Variants in CTBP2 observed in about 807,000 individuals in gnomAD.
The protein encoded by CTBP2 is C-terminal binding protein 2.
In CTBP2, 30 loss-of-function variants were observed where a neutral mutation model predicts 80.3. The observed-to-expected ratio is 0.37, with a 90% CI of 0.28 to 0.51. CTBP2 has a LOEUF of 0.51. Ranked by LOEUF, CTBP2 falls within the 20% of genes least tolerant of loss-of-function variation. CTBP2 has a pLI of 0.93. For missense variants in CTBP2, 1,212 were observed against 1,375.3 expected (o/e 0.88, Z 1.88); for synonymous variants, 594 against 587.4 (o/e 1.01, Z -0.16).
rs780357094 is a variant in CTBP2 at position 125,026,645 on chromosome 10, A to G, written c.1115T>C (p.Phe372Ser). The G allele has an allele frequency of 7.6e-6, 12 of 1,586,606 alleles. No homozygotes were observed. Among genetic ancestry groups the G allele is most frequent in the Non-Finnish European group, 1.0e-5 (12 of 1,167,192 alleles). ...ATGGAGCAGTTCGCTTCGGTGGCTG[A>G]AGCTGCTGGACCGCGCCCGGGGCAG... The change falls in exon 1 of 9, where the codon TTC becomes TCC. Residue 372 changes from phenylalanine (F) to serine (S), a missense_variant. Physicochemically the swap from Phe to Ser is radical, Grantham distance 155. Around this residue, in one of 3 missense-constraint regions of CTBP2, gnomAD observed 848 missense variants for 782.3 expected, o/e 1.08. Coordinates refer to ENST00000309035, the MANE Select transcript of CTBP2 (RefSeq NM_022802.3).
intron 1 of CTBP2, among the ~76,000 whole-genome samples, chr10:125,008,952 C>G (rs955923880): frequency 7.2e-5 from 11 of 152,224 alleles, no homozygotes; most frequent in African/African-American, 2.7e-4. Context: ...CAACATTCCA[C>G]AAGTTACTTC....
In CTBP2 at chr10:124,989,223, G is replaced by A; in HGVS notation, c.*295C>T. Reference sequence around the variant, plus strand: ...CAGGACCTGCTGTGCCCAAGGGACTGATAAAGGAAAAAGCTCTATTTATTC... The same window carrying A: ...CAGGACCTGCTGTGCCCAAGGGACTAATAAAGGAAAAAGCTCTATTTATTC... On this transcript the variant is annotated 3_prime_UTR_variant, in exon 9 of 9. Coordinates refer to ENST00000309035, the MANE Select transcript of CTBP2 (RefSeq NM_022802.3). 2.5e-6 allele frequency: 1 copy of A among 394,248 alleles called. No individual in the cohort carries two copies. The highest frequency in any genetic ancestry group is 4.8e-6 in the Non-Finnish European group (1 of 210,280). 24.4% of individuals were successfully genotyped at this position (394,248 alleles called of 1,614,324 possible). A position where few individuals can be genotyped will look rare whatever the true frequency, so the allele number is the denominator to read the frequency against.
At chr10:125,065,231 C>A (rs1226357249) in intron 2 of CTBP2, among the ~76,000 whole-genome samples, 1 of 152,172 alleles carries the variant, frequency 6.6e-6, no homozygotes, top group Non-Finnish European at 1.5e-5. Flanking sequence ...CAGCCATCAT[C>A]AGATCCAAAT....
At chr10:125,117,214 G>A (rs575560658) in intron 1 of CTBP2, among the ~76,000 whole-genome samples, 4 of 152,350 alleles carry the variant, frequency 2.6e-5, no homozygotes, top group East Asian at 1.9e-4. Context: ...GCATTGTAAC[G>A]GGGGCAGTGG....
chr10:125,162,388 A>G (rs917600576), upstream of CTBP2: 1 of 152,240 alleles, frequency 6.6e-6, no homozygotes, highest in African/African-American at 2.4e-5. Flanking sequence ...TCTGCATCCC[A>G]AAGAGCGTTG....
chr10:124,985,660 T>TGAA lies in CTBP2; in HGVS notation c.*3857_*3858insTTC, dbSNP rs1353446987. ...GGTTTTGGTTTTGGTTATTGTGTCT[T>TGAA]TAAGTTTTCTGATATGCCCCCTTTC... On this transcript the variant is annotated 3_prime_UTR_variant, in exon 9 of 9. Coordinates refer to ENST00000309035, the MANE Select transcript of CTBP2 (RefSeq NM_022802.3). 6.6e-6 allele frequency: 1 copy of TGAA among 152,090 alleles called. No individual in the cohort carries two copies. The highest frequency in any genetic ancestry group is 2.4e-5 in the African/African-American group (1 of 41,326). 9.4% of individuals were successfully genotyped at this position (152,090 alleles called of 1,614,324 possible).
intron 2 of CTBP2, among the ~76,000 whole-genome samples, chr10:125,085,079 G>A (rs1483995230): frequency 6.6e-6 from 1 of 152,112 alleles, no homozygotes; most frequent in African/African-American, 2.4e-5. Flanking sequence ...CATGACCATG[G>A]GACTGCGACA....
At chr10:125,086,029 A>T (rs1434569307) in intron 2 of CTBP2, among the ~76,000 whole-genome samples, 1 of 152,040 alleles carries the variant, frequency 6.6e-6, no homozygotes, top group Non-Finnish European at 1.5e-5. Flanking sequence ...CGCCAATCTC[A>T]GCCTCCCCAC....
chr10:125,072,007 A>C (rs1383638910), intron 2 of CTBP2, among the ~76,000 whole-genome samples: 2 of 152,116 alleles, frequency 1.3e-5, no homozygotes, highest in Non-Finnish European at 2.9e-5. Context: ...GGCCCTAGAC[A>C]TCCACACCAT....
chr10:125,066,919 T>A lies in CTBP2; in HGVS notation c.-101-27764A>T, dbSNP rs1020703783. Among the ~76,000 whole-genome samples the A allele has an allele frequency of 6.6e-6, 1 of 152,108 alleles. No homozygotes were observed. The highest frequency in any genetic ancestry group is 2.4e-5 in the African/African-American group (1 of 41,390). On this transcript the variant is annotated intron_variant, in intron 2 of 10. Transcript: ENST00000337195. This position sits in a 1 kb window ranked among gnomAD's most constrained non-coding sequence, Gnocchi z 4.1. ...CCCCTGGGCAGTCTTCCCAGCTCCA[T>A]GGAAAAGTCTTTGGTCAGCTGAACG... is the stretch of plus-strand genomic sequence containing the variant.
chr10:124,984,962 A>T lies in CTBP2; in HGVS notation c.*4556T>A, dbSNP rs756142790. 1 of 1,613,494 alleles carries T rather than the reference A, an allele frequency of 6.2e-7. No homozygotes were observed. The highest frequency in any genetic ancestry group is 8.5e-7 in the Non-Finnish European group (1 of 1,179,680). ...GGCCGTGTACATCCCTGTCTGATGG[A>T]GAGGAAGATGAGGATGATGAAGATG... On this transcript the variant is annotated 3_prime_UTR_variant, in exon 9 of 9. Transcript: ENST00000309035.
intron 2 of CTBP2, among the ~76,000 whole-genome samples, chr10:125,058,521 G>A (rs1326567384): frequency 6.6e-6 from 1 of 152,186 alleles, no homozygotes. Context: ...GCCGGGCGCG[G>A]TGGCTTACAC....
At chr10:125,104,537 A>T (rs894980101) in intron 2 of CTBP2, among the ~76,000 whole-genome samples, 7 of 152,204 alleles carry the variant, frequency 4.6e-5, no homozygotes, top group African/African-American at 1.7e-4. Context: ...GCTTCTCAGG[A>T]TAAGTGCAGA....
At chr10:125,003,797 C>T (rs544331145) in intron 1 of CTBP2, among the ~76,000 whole-genome samples, 13 of 152,154 alleles carry the variant, frequency 8.5e-5, no homozygotes, top group African/African-American at 3.1e-4. Context: ...CAGCACAGGA[C>T]GGGTCCCTGC....
At chr10:125,067,026 C>A (rs936062228) in intron 2 of CTBP2, among the ~76,000 whole-genome samples, 4 of 152,184 alleles carry the variant, frequency 2.6e-5, no homozygotes, top group Non-Finnish European at 5.9e-5. Flanking sequence ...TACTGATGGA[C>A]AACCAGACAC....
chr10:125,054,901 A>G (rs1410878281), intron 2 of CTBP2, among the ~76,000 whole-genome samples: 2 of 152,188 alleles, frequency 1.3e-5, no homozygotes, highest in African/African-American at 4.8e-5. Flanking sequence ...CACAACAGCA[A>G]TGCGTACAAG....
At chr10:125,105,386 A>C (rs188534994) in intron 2 of CTBP2, among the ~76,000 whole-genome samples, 87 of 152,352 alleles carry the variant, frequency 5.7e-4, no homozygotes, top group Admixed American at 1.8e-3. Context: ...TCCTGGGCTC[A>C]AAGGATCTGC....
chr10:125,096,130 C>T (rs918430515), intron 2 of CTBP2, among the ~76,000 whole-genome samples: 1 of 152,218 alleles, frequency 6.6e-6, no homozygotes, highest in Non-Finnish European at 1.5e-5. Context: ...CAAAACACAG[C>T]ACGCACATGG....
intron 1 of CTBP2, among the ~76,000 whole-genome samples, chr10:125,004,718 C>A (rs1464730200): frequency 2.0e-5 from 3 of 152,216 alleles, no homozygotes; most frequent in African/African-American, 7.2e-5. Flanking sequence ...CATCCCCTCC[C>A]TCCCTCTGAG....
Sources: gnomAD v4.1 joint callset for allele counts (sites outside exome capture counted in the v4.1 genomes callset) on GRCh38, gnomAD v4.1.1 for gene constraint, gnomAD v4.1.1 regional missense constraint, Gnocchi (gnomAD v3.1) non-coding constraint, MANE v1.5 for transcripts, NCBI Gene and HGNC (gene_info 2026-07-23, HGNC 2026-07-21) for gene names.